Variants in DLGAP2 observed in about 807,000 individuals in gnomAD.
DLGAP2 encodes DLG associated protein 2, also known as disks large-associated protein 2.
A neutral mutation model predicts 100.3 loss-of-function variants in DLGAP2; 26 were observed. The ratio of observed to expected loss-of-function variants is 0.26; its 90% CI spans 0.19 to 0.36. The LOEUF (loss-of-function observed/expected upper bound fraction) is 0.36. Ranked by LOEUF, DLGAP2 falls within the 10% of genes least tolerant of loss-of-function variation. The probability of loss-of-function intolerance (pLI) is 1.00; values close to 1 mark genes in which losing one functional copy is unlikely to be tolerated. For missense variants in DLGAP2, 1,858 were observed against 1,453.2 expected, an observed-to-expected ratio of 1.28 and a Z score of -4.53; for synonymous variants, 886 against 630.1, an observed-to-expected ratio of 1.41 and a Z score of -6.08.
intron 2 of DLGAP2, among the ~76,000 whole-genome samples, chr8:966,072 C>G (rs1191142452): frequency 6.6e-6 from 1 of 152,232 alleles, no homozygotes; most frequent in African/African-American, 2.4e-5. Flanking sequence ...ACGATCACAG[C>G]TTCTCGCCAG....
chr8:1,351,708 G>C (rs1459360474), intron 3 of DLGAP2, among the ~76,000 whole-genome samples: 1 of 68,468 alleles, frequency 1.5e-5, no homozygotes, highest in African/African-American at 4.9e-5. Flanking sequence ...TGCGTGGAAA[G>C]GCCATGCGGG....
intron 2 of DLGAP2, among the ~76,000 whole-genome samples, chr8:1,049,936 G>A (rs1228206525): frequency 1.3e-5 from 2 of 152,188 alleles, no homozygotes; most frequent in African/African-American, 4.8e-5. Flanking sequence ...ATGTACACAC[G>A]TGGATATATG....
At chr8:1,517,026 TTC>T (rs946500000) in intron 4 of DLGAP2, among the ~76,000 whole-genome samples, 6 of 152,028 alleles carry the variant, frequency 3.9e-5, no homozygotes, top group Non-Finnish European at 8.8e-5. Context: ...GAGGAAGGCT[TTC>T]TCACCTCCGC....
intron 2 of DLGAP2, among the ~76,000 whole-genome samples, chr8:1,102,568 G>A (rs1440537124): frequency 6.6e-6 from 1 of 150,872 alleles, no homozygotes; most frequent in East Asian, 1.9e-4. Context: ...TGTAGACATG[G>A]TCTCCTGAAG....
chr8:1,166,496 C>T (rs183832212), intron 2 of DLGAP2, among the ~76,000 whole-genome samples: 23 of 152,270 alleles, frequency 1.5e-4, no homozygotes, highest in Admixed American at 1.0e-3. Context: ...GATTTTTCTC[C>T]TCCTTTTCAC....
intron 1 of DLGAP2, among the ~76,000 whole-genome samples, chr8:855,562 G>A (rs974772311): frequency 2.6e-5 from 4 of 152,162 alleles, no homozygotes; most frequent in African/African-American, 9.7e-5. Flanking sequence ...GGAGTGAGAG[G>A]GGGATAGGTC....
intron 4 of DLGAP2, among the ~76,000 whole-genome samples, chr8:1,512,708 C>G (rs2130378184): frequency 6.6e-6 from 1 of 152,360 alleles, no homozygotes; most frequent in South Asian, 2.1e-4. Context: ...GCGTGAGTAC[C>G]CCAGCTCGCT....
intron 3 of DLGAP2, among the ~76,000 whole-genome samples, chr8:1,436,688 A>G (rs1190850808): frequency 1.3e-5 from 2 of 152,134 alleles, no homozygotes; most frequent in Non-Finnish European, 2.9e-5. Context: ...AGTAGCATAC[A>G]GTGATGTCTC....
At chr8:1,556,056 G>A (rs1265345296) in intron 5 of DLGAP2, among the ~76,000 whole-genome samples, 6 of 152,232 alleles carry the variant, frequency 3.9e-5, no homozygotes, top group Non-Finnish European at 5.9e-5. Flanking sequence ...CAAGATGGTC[G>A]TGGATGCAGA....
At chr8:1,337,432 G>A (rs62486251) in intron 3 of DLGAP2, among the ~76,000 whole-genome samples, 11 of 180 alleles carry the variant, frequency 0.061, no homozygotes, top group African/African-American at 0.14. Flanking sequence ...GATGGTGATG[G>A]TGATGATGAT....
chr8:1,453,921 T>C (rs1798232849), intron 3 of DLGAP2, among the ~76,000 whole-genome samples: 2 of 152,240 alleles, frequency 1.3e-5, no homozygotes, highest in South Asian at 4.1e-4. Context: ...GGGTTTTGCA[T>C]GTCTTGGAAT....
chr8:1,169,104 A>G (rs1039118666), intron 2 of DLGAP2, among the ~76,000 whole-genome samples: 5 of 149,610 alleles, frequency 3.3e-5, no homozygotes, highest in African/African-American at 9.8e-5. Context: ...CCATATGGCT[A>G]GCCAGTTTTC....
intron 1 of DLGAP2, among the ~76,000 whole-genome samples, chr8:895,306 C>T (rs1052516163): frequency 2.6e-5 from 4 of 152,102 alleles, no homozygotes; most frequent in African/African-American, 9.7e-5. Flanking sequence ...TATATGTCAA[C>T]TAAAAATAAA....
At chr8:976,347 C>G (rs1800162505) in intron 2 of DLGAP2, among the ~76,000 whole-genome samples, 1 of 151,992 alleles carries the variant, frequency 6.6e-6, no homozygotes, top group Non-Finnish European at 1.5e-5. Flanking sequence ...CGTGATGGTT[C>G]AAGCGTGTAA....
At chr8:1,238,749 T>TAC (rs1352709709) in intron 2 of DLGAP2, among the ~76,000 whole-genome samples, 1 of 83,072 alleles carries the variant, frequency 1.2e-5, no homozygotes, top group East Asian at 3.5e-4. Context: ...CATGTCTAGT[T>TAC]CTCTCACGTG....
chr8:774,176 C>G (rs1821446495), intron 1 of DLGAP2, among the ~76,000 whole-genome samples: 1 of 152,072 alleles, frequency 6.6e-6, no homozygotes, highest in Admixed American at 6.6e-5. Flanking sequence ...ATGTCCTTCA[C>G]CTACTTTTTG....
chr8:1,318,505 G>C (rs900948707), intron 3 of DLGAP2, among the ~76,000 whole-genome samples: 1 of 150,608 alleles, frequency 6.6e-6, no homozygotes, highest in Non-Finnish European at 1.5e-5. Context: ...TTCTAGAAAA[G>C]GCTGTTCCTG....
intron 3 of DLGAP2, among the ~76,000 whole-genome samples, chr8:1,436,140 G>A (rs1435496859): frequency 1.3e-5 from 2 of 152,128 alleles, no homozygotes; most frequent in Non-Finnish European, 2.9e-5. Flanking sequence ...ACCACAAGGT[G>A]AACTCCCACC....
chr8:864,612 C>T (rs7816977), intron 1 of DLGAP2, among the ~76,000 whole-genome samples: 56,531 of 151,964 alleles, frequency 0.37, 11,120 homozygotes, highest in African/African-American at 0.5. Context: ...AATTCACTTC[C>T]GCTCAAATGA....
Sources: gnomAD v4.1 joint callset for allele counts (sites outside exome capture counted in the v4.1 genomes callset) on GRCh38, gnomAD v4.1.1 for gene constraint, MANE v1.5 for transcripts, NCBI Gene and HGNC (gene_info 2026-07-23, HGNC 2026-07-21) for gene names.